Variants in FHIP1A observed in about 807,000 individuals in gnomAD.
FHIP1A encodes FHF complex subunit HOOK-interacting protein 1A.
In FHIP1A, 61 loss-of-function variants were observed where a neutral mutation model predicts 88.6. The observed-to-expected ratio is 0.69, with a 90% CI of 0.56 to 0.85. The LOEUF (loss-of-function observed/expected upper bound fraction) is 0.85, where lower values mean the gene tolerates loss of function less well. FHIP1A is among the 40% of genes least tolerant of loss of function. FHIP1A has a pLI of 0.00. For missense variants in FHIP1A, 1,154 were observed against 1,273.5 expected, an observed-to-expected ratio of 0.91 and a Z score of 1.43; for synonymous variants, 478 against 496.0, an observed-to-expected ratio of 0.96 and a Z score of 0.48.
intron 1 of FHIP1A, among the ~76,000 whole-genome samples, chr4:151,422,653 A>G (rs1733215710): frequency 6.6e-6 from 1 of 152,126 alleles, no homozygotes. Context: ...AGCCTCCCAA[A>G]GTGTTGGGAT....
chr4:151,473,568 T>C (rs144841397), intron 2 of FHIP1A, among the ~76,000 whole-genome samples: 377 of 152,290 alleles, frequency 2.5e-3, no homozygotes, highest in Non-Finnish European at 4.3e-3. Context: ...AATATAATAT[T>C]CATAGCTCAA....
intron 3 of FHIP1A, among the ~76,000 whole-genome samples, chr4:151,492,583 C>T (rs1730321668): frequency 1.4e-5 from 2 of 142,262 alleles, no homozygotes; most frequent in South Asian, 4.4e-4. Flanking sequence ...CGGAGTGAGG[C>T]TGTGTCTCAA....
At chr4:151,549,896 G>A (rs935499487) in intron 3 of FHIP1A, among the ~76,000 whole-genome samples, 2 of 152,082 alleles carry the variant, frequency 1.3e-5, no homozygotes, top group Non-Finnish European at 2.9e-5. Context: ...AAAGAGAGAT[G>A]AGTATGTGTT....
chr4:151,566,321 A>G lies in FHIP1A; in HGVS notation c.62A>G (p.Asp21Gly). ...CAGGCTGTGAGCCTACAGGGAGTTGACCCAGAAACATGCATGATTGTATTT... is the reference window on the plus strand; with the variant it reads ...CAGGCTGTGAGCCTACAGGGAGTTGGCCCAGAAACATGCATGATTGTATTT... ...LQQAVSLQGV[D>G]PETCMIVFKN... Residue 21 changes from aspartate (D) to glycine (G), a missense_variant, in exon 4 of 14, where the codon GAC becomes GGC. Transcript: ENST00000435205. 1.3e-6 allele frequency: 2 copies of G among 1,550,964 alleles called. No individual in the cohort carries two copies. The highest frequency in any genetic ancestry group is 1.7e-6 in the Non-Finnish European group (2 of 1,146,362).
chr4:151,485,282 G>GTTTTTTTTTTTTTTTTTTTTTTTTTTTTT (rs74327398), intron 3 of FHIP1A, among the ~76,000 whole-genome samples: 5 of 118,730 alleles, frequency 4.2e-5, no homozygotes, highest in African/African-American at 1.0e-4. Context: ...ATCTTTTCCA[G>GTTTTTTTTTTTTTTTTTTTTTTTTTTTTT]TTTTTTTTTT....
At chr4:151,563,582 T>C (rs916507913) in intron 3 of FHIP1A, among the ~76,000 whole-genome samples, 2 of 152,224 alleles carry the variant, frequency 1.3e-5, no homozygotes, top group Non-Finnish European at 2.9e-5. Flanking sequence ...CATATTTTAG[T>C]GACTGCAGCT....
chr4:151,410,948 T>G (rs1463225875), intron 1 of FHIP1A, among the ~76,000 whole-genome samples: 1 of 152,190 alleles, frequency 6.6e-6, no homozygotes, highest in Non-Finnish European at 1.5e-5. Flanking sequence ...GATTAAACTG[T>G]GTAGGGTGGC....
At chr4:151,500,975 C>T (rs996016051) in intron 3 of FHIP1A, among the ~76,000 whole-genome samples, 22 of 152,138 alleles carry the variant, frequency 1.4e-4, no homozygotes, top group African/African-American at 3.4e-4. Flanking sequence ...AAATGGCACT[C>T]GTTTAAATTC....
At chr4:151,645,717 T>C (rs1020246706) in intron 9 of FHIP1A, among the ~76,000 whole-genome samples, 1 of 151,822 alleles carries the variant, frequency 6.6e-6, no homozygotes, top group Non-Finnish European at 1.5e-5. Context: ...CATTTTTGTT[T>C]AAATAAGCAG....
Position 151,650,520 on chromosome 4 carries a change from C to G in FHIP1A, c.2479C>G (p.Pro827Ala). The change falls in exon 11 of 14, where the codon CCA becomes GCA. Residue 827 changes from proline (P) to alanine (A), a missense_variant. By Grantham distance (27) the Pro-to-Ala change is conservative. Transcript: ENST00000435205. ...EMPAVETVPS[P>A]FVGRDEAAFA... ...GCCTGCTGTAGAGACTGTGCCTTCC[C>G]CATTTGTGGGGAGAGATGAGGCTGC... 2 of 1,551,506 alleles carry G rather than the reference C, an allele frequency of 1.3e-6. No individual in the cohort carries two copies. Among genetic ancestry groups the G allele is most frequent in the South Asian group, 1.2e-5 (1 of 84,060 alleles).
intron 3 of FHIP1A, among the ~76,000 whole-genome samples, chr4:151,505,500 G>A (rs746220560): frequency 9.9e-5 from 15 of 152,252 alleles, no homozygotes; most frequent in Non-Finnish European, 1.9e-4. Context: ...ATTTATTCCA[G>A]TGTCATTGCT....
intron 1 of FHIP1A, among the ~76,000 whole-genome samples, chr4:151,413,892 T>C (rs1732778893): frequency 6.6e-6 from 1 of 152,206 alleles, no homozygotes; most frequent in Non-Finnish European, 1.5e-5. Flanking sequence ...GGAGTTTAAA[T>C]GTTATGCTCT....
chr4:151,535,197 C>G (rs900387356), intron 3 of FHIP1A, among the ~76,000 whole-genome samples: 2 of 152,074 alleles, frequency 1.3e-5, no homozygotes, highest in Admixed American at 1.3e-4. Flanking sequence ...GCCTGGGCAA[C>G]AGAGCAAGAC....
intron 2 of FHIP1A, among the ~76,000 whole-genome samples, chr4:151,465,838 A>G (rs938849260): frequency 4.6e-5 from 7 of 152,322 alleles, no homozygotes; most frequent in Admixed American, 3.3e-4. Context: ...TCATGTTACA[A>G]ACTCTCAATA....
intron 1 of FHIP1A, among the ~76,000 whole-genome samples, chr4:151,452,139 C>T (rs539006327): frequency 6.6e-6 from 1 of 152,232 alleles, no homozygotes; most frequent in South Asian, 2.1e-4. Context: ...ATGTATTTTT[C>T]AAGTTAAACC....
intron 3 of FHIP1A, among the ~76,000 whole-genome samples, chr4:151,563,918 A>C (rs893565400): frequency 3.3e-5 from 5 of 152,116 alleles, no homozygotes; most frequent in Middle Eastern, 3.2e-3. Context: ...GCTTGTGCCC[A>C]GGAGTTCAAG....
chr4:151,504,656 C>CTG (rs892360593), intron 3 of FHIP1A, among the ~76,000 whole-genome samples: 22 of 151,904 alleles, frequency 1.4e-4, no homozygotes, highest in Admixed American at 2.6e-4. Context: ...GAGTCTTGTT[C>CTG]TGTCGCCCAG....
At chr4:151,522,875 C>A (rs1456103807) in intron 3 of FHIP1A, among the ~76,000 whole-genome samples, 1 of 152,112 alleles carries the variant, frequency 6.6e-6, no homozygotes. Context: ...TCCTTCCATC[C>A]CTTTACACTG....
At chr4:151,483,204 C>T (rs1274675666) in intron 3 of FHIP1A, among the ~76,000 whole-genome samples, 2 of 151,812 alleles carry the variant, frequency 1.3e-5, no homozygotes, top group Non-Finnish European at 1.5e-5. Flanking sequence ...ATCAATAAGT[C>T]AATCTGTTAG....
Sources: gnomAD v4.1 joint callset for allele counts (sites outside exome capture counted in the v4.1 genomes callset) on GRCh38, gnomAD v4.1.1 for gene constraint, MANE v1.5 for transcripts, NCBI Gene and HGNC (gene_info 2026-07-23, HGNC 2026-07-21) for gene names.